GPC5: variants seen among roughly 807,000 people sequenced by gnomAD.
GPC5 encodes the protein glypican 5.
In GPC5, 47 loss-of-function variants were observed where a neutral mutation model predicts 53.9. The observed-to-expected ratio is 0.87, with a 90% CI of 0.69 to 1.11. The LOEUF (loss-of-function observed/expected upper bound fraction) is 1.11. GPC5 is among the 50% of genes most tolerant of loss of function. GPC5 has a pLI of 0.00. For synonymous variants in GPC5, 286 were observed against 263.3 expected (o/e 1.09, Z -0.84); for missense variants, 748 against 713.1 (o/e 1.05, Z -0.56).
At chr13:91,588,314 A>G (rs893884395) in intron 2 of GPC5, among the ~76,000 whole-genome samples, 4 of 152,128 alleles carry the variant, frequency 2.6e-5, no homozygotes, top group African/African-American at 9.6e-5. Context: ...ACCTGGCTAC[A>G]TGTAGGAATT....
chr13:92,024,238 A>G (rs1282975593), intron 6 of GPC5, among the ~76,000 whole-genome samples: 1 of 152,112 alleles, frequency 6.6e-6, no homozygotes, highest in African/African-American at 2.4e-5. Flanking sequence ...GACATATTGT[A>G]GGAAACTTTT....
chr13:91,750,048 G>A (rs1191671351), intron 4 of GPC5, among the ~76,000 whole-genome samples: 1 of 152,156 alleles, frequency 6.6e-6, no homozygotes, highest in East Asian at 1.9e-4. Context: ...GACCTCAATT[G>A]ATTCCGTCTG....
At chr13:91,919,126 T>C (rs2039686619) in intron 6 of GPC5, among the ~76,000 whole-genome samples, 2 of 152,322 alleles carry the variant, frequency 1.3e-5, no homozygotes, top group African/African-American at 4.8e-5. Flanking sequence ...TCATCTTTAA[T>C]TCTTCTTTTT....
At chr13:92,526,198 G>A (rs933015497) in intron 7 of GPC5, among the ~76,000 whole-genome samples, 5 of 151,994 alleles carry the variant, frequency 3.3e-5, no homozygotes, top group African/African-American at 1.2e-4. Flanking sequence ...TAGACATATA[G>A]AACAATAAAC....
chr13:92,443,078 C>T (rs1329657840), intron 7 of GPC5, among the ~76,000 whole-genome samples: 1 of 152,132 alleles, frequency 6.6e-6, no homozygotes, highest in African/African-American at 2.4e-5. Context: ...CCAGCATCTG[C>T]TTCTGGTGAG....
At chr13:91,977,118 A>C (rs1166544624) in intron 6 of GPC5, among the ~76,000 whole-genome samples, 1 of 152,048 alleles carries the variant, frequency 6.6e-6, no homozygotes, top group Non-Finnish European at 1.5e-5. Context: ...TGTTTATCCA[A>C]AAAACAGTAA....
chr13:91,934,534 A>G (rs146238991), intron 6 of GPC5, among the ~76,000 whole-genome samples: 76 of 152,074 alleles, frequency 5.0e-4, no homozygotes, highest in African/African-American at 1.8e-3. Context: ...TTTATCTTAA[A>G]AAACTGGATG....
chr13:91,506,565 T>C (rs1257122448), intron 2 of GPC5, among the ~76,000 whole-genome samples: 1 of 152,116 alleles, frequency 6.6e-6, no homozygotes, highest in Non-Finnish European at 1.5e-5. Context: ...TCTTTGAGTT[T>C]ATGGATAATA....
chr13:92,122,972 A>G (rs981871292), intron 6 of GPC5, among the ~76,000 whole-genome samples: 4 of 152,050 alleles, frequency 2.6e-5, no homozygotes, highest in Non-Finnish European at 2.9e-5. Flanking sequence ...TGTTCCAATC[A>G]CATTGATCCT....
chr13:92,743,090 TTAAAG>T (rs1475764860), intron 7 of GPC5, among the ~76,000 whole-genome samples: 2 of 148,096 alleles, frequency 1.4e-5, no homozygotes, highest in Non-Finnish European at 1.5e-5. Context: ...CACATGAACT[TTAAAG>T]TAGTTTTTTT....
intron 7 of GPC5, among the ~76,000 whole-genome samples, chr13:92,736,097 CCATCT>C (rs1371538728): frequency 2.6e-5 from 4 of 151,954 alleles, no homozygotes; most frequent in Non-Finnish European, 4.4e-5. Flanking sequence ...CCGTCATCCC[CCATCT>C]CATCTATCCA....
chr13:92,247,586 G>T (rs1031498107), intron 7 of GPC5, among the ~76,000 whole-genome samples: 1 of 152,058 alleles, frequency 6.6e-6, no homozygotes, highest in Non-Finnish European at 1.5e-5. Context: ...AACATACACT[G>T]CCCCTTATGT....
At chr13:91,399,352 G>C in intron 1 of GPC5, 143 bp downstream of exon 1, 1 of 1,013,492 alleles carries the variant, frequency 9.9e-7, no homozygotes, top group Non-Finnish European at 1.4e-6. Context: ...GGCTTCCGGG[G>C]ATGCTTGGTG....
In GPC5 at chr13:91,636,922, T is replaced by G. The variant is rs557063632; in HGVS notation, c.326-56265T>G. ...GTAGTGAGCTATGATCCAGTACCCC[T>G]ATACTCCAGTGGCAGAGGGAGATCT... On this transcript the variant is annotated intron_variant, in intron 2 of 7. Transcript: ENST00000377067. Among the ~76,000 whole-genome samples the G allele has an allele frequency of 2.0e-5, 3 of 152,272 alleles. No individual in the cohort carries two copies. The South Asian group carries it at 6.2e-4, about 32-fold the overall frequency.
At chr13:92,320,883 A>T (rs540151314) in intron 7 of GPC5, among the ~76,000 whole-genome samples, 1 of 152,202 alleles carries the variant, frequency 6.6e-6, no homozygotes, top group Non-Finnish European at 1.5e-5. Context: ...AAAATCAATA[A>T]TGATCTACCA....
chr13:92,616,975 A>G (rs1442844885), intron 7 of GPC5, among the ~76,000 whole-genome samples: 4 of 152,168 alleles, frequency 2.6e-5, no homozygotes, highest in Admixed American at 6.5e-5. Flanking sequence ...ACATATAAAC[A>G]TATACACTGA....
intron 7 of GPC5, among the ~76,000 whole-genome samples, chr13:92,327,241 A>G (rs2043258009): frequency 6.6e-6 from 1 of 152,126 alleles, no homozygotes; most frequent in Admixed American, 6.6e-5. Flanking sequence ...TTTAATTTGC[A>G]ATGTCCTTGC....
intron 7 of GPC5, among the ~76,000 whole-genome samples, chr13:92,392,057 G>A (rs963949747): frequency 3.3e-5 from 5 of 152,122 alleles, no homozygotes; most frequent in African/African-American, 1.2e-4. Flanking sequence ...CTATATCAGA[G>A]AATAGAATTA....
At position 91,819,003 on chromosome 13, in the gene GPC5, C is replaced by T. The variant is rs1162346560; in HGVS notation, c.1280+62583C>T. ...GCATATAAAGTGAACATCATGTAAA[C>T]AACATCAAGTTAGAAGACAGCGTAA... On this transcript the variant is annotated intron_variant, in intron 5 of 7. Coordinates refer to ENST00000377067, the MANE Select transcript of GPC5 (RefSeq NM_004466.6). 2.0e-5 allele frequency among the ~76,000 whole-genome samples: 3 copies of T among 152,012 alleles called. No homozygotes were observed. The East Asian group carries it at 5.8e-4, about 29-fold the overall frequency.
Sources: allele counts gnomAD v4.1 joint callset (sites outside exome capture counted in the v4.1 genomes callset), GRCh38; gene constraint gnomAD v4.1.1; transcripts MANE v1.5; gene names NCBI Gene and HGNC (gene_info 2026-07-23, HGNC 2026-07-21).